PON3: variants seen among roughly 807,000 people sequenced by gnomAD.
PON3 encodes paraoxonase 3, also known as serum paraoxonase/lactonase 3.
In PON3, 37 loss-of-function variants were observed where a neutral mutation model predicts 36.3. The observed-to-expected ratio is 1.02, with a 90% CI of 0.78 to 1.34. PON3 has a LOEUF of 1.34. PON3 is among the 40% of genes most tolerant of loss of function. PON3 has a pLI of 0.00. For missense variants in PON3, 415 were observed against 426.5 expected (o/e 0.97, Z 0.24); for synonymous variants, 155 against 154.8 (o/e 1.00, Z -0.01).
chr7:95,366,268 A>G (rs1808690791), intron 5 of PON3, among the ~76,000 whole-genome samples: 1 of 152,196 alleles, frequency 6.6e-6, no homozygotes, highest in Non-Finnish European at 1.5e-5. Flanking sequence ...GAGAATCCCC[A>G]TTATGCTCAA....
At chr7:95,388,449 GAGA>G (rs376706322) in intron 3 of PON3, among the ~76,000 whole-genome samples, 15 of 152,158 alleles carry the variant, frequency 9.9e-5, no homozygotes, top group Middle Eastern at 3.2e-3. Flanking sequence ...ACAGATGGTG[GAGA>G]AGATGTGGAG....
chr7:95,376,955 C>T (rs1808929739), intron 3 of PON3, among the ~76,000 whole-genome samples: 1 of 152,166 alleles, frequency 6.6e-6, no homozygotes, highest in Non-Finnish European at 1.5e-5. Flanking sequence ...TCACCTCACC[C>T]AGGAAGTGCA....
chr7:95,362,854 T>C lies in PON3; in HGVS notation c.696-13A>G, dbSNP rs377029496. 1.3e-5 allele frequency: 21 copies of C among 1,585,968 alleles called. No homozygotes were observed. In the African/African-American group the frequency reaches 2.0e-4, roughly 15 times the overall value. ...TACATAGACATACCTTTGAAGTAAA[T>C]GACATTTACACTTAAGCAAGTGGTA... On this transcript the variant is annotated splice_polypyrimidine_tract_variant and intron_variant, in intron 6 of 8. Coordinates refer to ENST00000265627, the MANE Select transcript of PON3 (RefSeq NM_000940.3).
chr7:95,390,793 T>A (rs947574518), intron 2 of PON3, among the ~76,000 whole-genome samples: 1 of 152,184 alleles, frequency 6.6e-6, no homozygotes, highest in African/African-American at 2.4e-5. Flanking sequence ...GTTTTCAGCA[T>A]TTTTTTCTAT....
intron 3 of PON3, among the ~76,000 whole-genome samples, chr7:95,379,478 A>T (rs1237861172): frequency 6.6e-6 from 1 of 152,258 alleles, no homozygotes; most frequent in East Asian, 1.9e-4. Context: ...GACAGACGGC[A>T]CCTGGAAAAT....
At chr7:95,378,850 G>A (rs192744428) in intron 3 of PON3, among the ~76,000 whole-genome samples, 8 of 152,206 alleles carry the variant, frequency 5.3e-5, no homozygotes, top group Admixed American at 6.5e-5. Context: ...ATCAATTAAC[G>A]GGCAAAATAA....
At chr7:95,393,927 C>T (rs1809374308) in intron 2 of PON3, among the ~76,000 whole-genome samples, 1 of 152,098 alleles carries the variant, frequency 6.6e-6, no homozygotes, top group African/African-American at 2.4e-5. Flanking sequence ...CAAAGTCTCG[C>T]TCTGTCGCCA....
intron 7 of PON3, 106 bp downstream of exon 7, chr7:95,362,654 T>C: frequency 1.5e-6 from 2 of 1,368,608 alleles, no homozygotes; most frequent in Middle Eastern, 1.8e-4. Flanking sequence ...TCACTGGCAT[T>C]GCTCTCAAAT....
At chr7:95,395,475 TG>T (rs1809408627) in intron 1 of PON3, among the ~76,000 whole-genome samples, 1 of 152,146 alleles carries the variant, frequency 6.6e-6, no homozygotes, top group Non-Finnish European at 1.5e-5. Context: ...TGGGAGCAAA[TG>T]TAACAATAAA....
chr7:95,363,195 G>GT (rs1477225065), intron 6 of PON3, among the ~76,000 whole-genome samples: 1 of 151,800 alleles, frequency 6.6e-6, no homozygotes, highest in African/African-American at 2.4e-5. Context: ...TTGAAAAAAA[G>GT]TATCAAATGA....
intron 3 of PON3, among the ~76,000 whole-genome samples, chr7:95,378,587 G>A (rs1460335061): frequency 6.6e-6 from 1 of 152,118 alleles, no homozygotes; most frequent in Non-Finnish European, 1.5e-5. Flanking sequence ...AGAAGAGAGT[G>A]GGGGCCAATA....
At chr7:95,363,632 GTCCTTATA>G in intron 6 of PON3, 1 of 563,622 alleles carries the variant, frequency 1.8e-6, no homozygotes, top group Non-Finnish European at 3.2e-6. Flanking sequence ...TTGGAATGAG[GTCCTTATA>G]TCCTTAAGTC....
chr7:95,362,319 C>A (rs573686707), intron 8 of PON3, 43 bp downstream of exon 8: 2 of 1,611,580 alleles, frequency 1.2e-6, no homozygotes, highest in East Asian at 4.5e-5. Context: ...CAAATTTGTT[C>A]TTGCAGCTTT....
Position 95,359,938 on chromosome 7 carries a change from G to C in PON3, c.*35C>G, listed in dbSNP as rs17885558. 2.0e-6 allele frequency: 3 copies of C among 1,526,760 alleles called. No individual in the cohort carries two copies. The South Asian group carries it at 3.5e-5, about 18-fold the overall frequency. 94.6% of individuals were successfully genotyped at this position (1,526,760 alleles called of 1,614,324 possible). A position where few individuals can be genotyped will look rare whatever the true frequency, so the allele number is the denominator to read the frequency against. On this transcript the variant is annotated 3_prime_UTR_variant, in exon 9 of 9. Coordinates refer to ENST00000265627, the MANE Select transcript of PON3 (RefSeq NM_000940.3). ...TTATCAGTTTACTTTTACAAAATAT[G>C]TAGACTTTTTTTTTTTTTTTTTACT...
intron 2 of PON3, 60 bp from the exon 3 acceptor site, chr7:95,390,269 A>G: frequency 7.9e-7 from 1 of 1,265,698 alleles, no homozygotes; most frequent in Admixed American, 1.7e-5. Context: ...AATACGTCTC[A>G]CAGTCCAAAC....
intron 3 of PON3, among the ~76,000 whole-genome samples, chr7:95,381,202 GCA>G (rs1276367073): frequency 5.9e-5 from 9 of 152,178 alleles, no homozygotes; most frequent in African/African-American, 1.9e-4. Flanking sequence ...CCTGAAGGAA[GCA>G]CTAAACATGG....
chr7:95,386,177 A>G (rs1412140460), intron 3 of PON3, among the ~76,000 whole-genome samples: 1 of 152,208 alleles, frequency 6.6e-6, no homozygotes. Flanking sequence ...CCTTCAAAAA[A>G]TCAATGAATG....
At chr7:95,372,129 T>C in intron 4 of PON3, 44 bp downstream of exon 4, 1 of 1,580,308 alleles carries the variant, frequency 6.3e-7, no homozygotes, top group African/African-American at 1.3e-5. Context: ...AAATGGTTTC[T>C]ATTTCCCTCA....
intron 3 of PON3, among the ~76,000 whole-genome samples, chr7:95,375,681 C>A (rs1480959916): frequency 6.6e-6 from 1 of 152,184 alleles, no homozygotes; most frequent in Non-Finnish European, 1.5e-5. Flanking sequence ...AAGGGCAGGG[C>A]ACTGCAAACA....
Sources: allele counts gnomAD v4.1 joint callset (sites outside exome capture counted in the v4.1 genomes callset), GRCh38; gene constraint gnomAD v4.1.1; transcripts MANE v1.5; gene names NCBI Gene and HGNC (gene_info 2026-07-23, HGNC 2026-07-21).